PRSS38: variants seen among roughly 807,000 people sequenced by gnomAD.
PRSS38 encodes the protein serine protease 38.
Under a neutral mutation model 26.8 loss-of-function variants are expected in PRSS38, and 22 were observed. That is an observed-to-expected ratio of 0.82 (90% CI 0.59 to 1.17). The LOEUF is 1.17. Ranked by LOEUF, PRSS38 falls within the 50% of genes most tolerant of loss-of-function variation. The pLI, the probability that PRSS38 is intolerant of heterozygous loss-of-function variation, is 0.00. For missense variants in PRSS38, 427 were observed against 422.7 expected, an observed-to-expected ratio of 1.01 and a Z score of -0.09; for synonymous variants, 175 against 172.1, an observed-to-expected ratio of 1.02 and a Z score of -0.13.
At chr1:227,825,870 T>G (rs534713445) in intron 3 of PRSS38, among the ~76,000 whole-genome samples, 29 of 152,336 alleles carry the variant, frequency 1.9e-4, no homozygotes, top group Non-Finnish European at 3.8e-4. Context: ...AGGCTTTTTT[T>G]TGTGTGCCAT....
intron 3 of PRSS38, among the ~76,000 whole-genome samples, chr1:227,820,766 A>G (rs1664992187): frequency 6.6e-6 from 1 of 151,970 alleles, no homozygotes; most frequent in Non-Finnish European, 1.5e-5. Flanking sequence ...TTCCTCTTCT[A>G]TTTTTTTGGT....
intron 3 of PRSS38, among the ~76,000 whole-genome samples, chr1:227,843,711 A>G (rs1665372652): frequency 6.6e-6 from 1 of 150,656 alleles, no homozygotes; most frequent in African/African-American, 2.4e-5. Context: ...CCATCTTAAA[A>G]AAAAAATGTC....
intron 3 of PRSS38, among the ~76,000 whole-genome samples, chr1:227,845,115 TGTGGTGGGGCTCCTCCCTATGC>T (rs1311414246): frequency 6.9e-6 from 1 of 144,124 alleles, no homozygotes. Context: ...CCTCCCTATG[TGTGGTGGGGCTCCTCCCTATGC>T]GTGGTGGGGC....
At chr1:227,822,138 A>G (rs890989165) in intron 3 of PRSS38, among the ~76,000 whole-genome samples, 1 of 151,830 alleles carries the variant, frequency 6.6e-6, no homozygotes, top group African/African-American at 2.4e-5. Flanking sequence ...TGAAGTTTTC[A>G]TTTCCATTAT....
At chr1:227,842,777 A>G (rs1572091616) in intron 3 of PRSS38, among the ~76,000 whole-genome samples, 1 of 151,912 alleles carries the variant, frequency 6.6e-6, no homozygotes, top group Admixed American at 6.6e-5. Context: ...GGGTTTCTCC[A>G]TGTTGGTCAG....
At chr1:227,824,138 T>C (rs1292210620) in intron 3 of PRSS38, among the ~76,000 whole-genome samples, 3 of 152,170 alleles carry the variant, frequency 2.0e-5, no homozygotes, top group African/African-American at 7.2e-5. Context: ...ACATGTGCCA[T>C]GGTGGTTTGC....
chr1:227,839,563 A>G (rs535092619), intron 3 of PRSS38, among the ~76,000 whole-genome samples: 1 of 151,998 alleles, frequency 6.6e-6, no homozygotes, highest in Non-Finnish European at 1.5e-5. Flanking sequence ...AAGGTCTTTT[A>G]TATGTATTGC....
intron 3 of PRSS38, among the ~76,000 whole-genome samples, chr1:227,833,099 A>G (rs1220663733): frequency 6.6e-6 from 1 of 152,204 alleles, no homozygotes; most frequent in Non-Finnish European, 1.5e-5. Context: ...TGTTACGATG[A>G]CAATATTACC....
In PRSS38 at chr1:227,815,865, G is replaced by A. The variant is rs1295626251; in HGVS notation, c.148+1G>A. ...GGAATCTCCCTAACTGGCAGCGTGG[G>A]TAGGCCCTGCCCCAGGGGCGGATGG... is the stretch of plus-strand genomic sequence containing the variant. On this transcript the variant is annotated splice_donor_variant, in intron 1 of 4. Coordinates refer to ENST00000366757, the Ensembl canonical transcript of PRSS38. LOFTEE classifies it high-confidence loss of function. 1.2e-6 allele frequency: 2 copies of A among 1,601,654 alleles called. No individual in the cohort carries two copies. Among genetic ancestry groups the A allele is most frequent in the Middle Eastern group, 1.7e-4 (1 of 6,010 alleles).
chr1:227,822,371 G>GT lies in PRSS38; in HGVS notation c.583+4898dup, dbSNP rs201113206. 7.0e-3 allele frequency among the ~76,000 whole-genome samples: 1,066 copies of GT among 151,950 alleles called. 9 individuals carry two copies. The highest frequency in any genetic ancestry group is 0.024 in the African/African-American group (984 of 41,460). ...ATTTTGTTTTCTTAAGTGGGCCATA[G>GT]TTTTTTTCTGATTTTTGTTGTTATT... On this transcript the variant is annotated intron_variant, in intron 3 of 4. Coordinates refer to ENST00000366757, the Ensembl canonical transcript of PRSS38.
chr1:227,828,114 T>G (rs905289883), intron 3 of PRSS38, among the ~76,000 whole-genome samples: 1 of 152,208 alleles, frequency 6.6e-6, no homozygotes, highest in African/African-American at 2.4e-5. Flanking sequence ...TTTTGCTATA[T>G]GATCAATTCT....
chr1:227,817,324 A>G, exon 3 of PRSS38: 1 of 1,614,166 alleles, frequency 6.2e-7, no homozygotes, highest in Non-Finnish European at 8.5e-7. Flanking sequence ...CACATATGAG[A>G]TGTACCACCC....
At chr1:227,827,440 T>C (rs769449956) in intron 3 of PRSS38, among the ~76,000 whole-genome samples, 7 of 152,220 alleles carry the variant, frequency 4.6e-5, no homozygotes, top group Admixed American at 4.6e-4. Context: ...ATTTATTTTC[T>C]AGTTTCTTTT....
chr1:227,822,080 A>C (rs1453438595), intron 3 of PRSS38, among the ~76,000 whole-genome samples: 1 of 151,934 alleles, frequency 6.6e-6, no homozygotes, highest in Non-Finnish European at 1.5e-5. Flanking sequence ...CTTCAAGTTC[A>C]CCTATGCTCT....
intron 3 of PRSS38, among the ~76,000 whole-genome samples, chr1:227,839,419 A>G (rs1210411070): frequency 3.3e-5 from 5 of 151,918 alleles, no homozygotes; most frequent in Non-Finnish European, 7.4e-5. Flanking sequence ...GCAGTGAGCC[A>G]TAATCACACC....
At chr1:227,818,675 C>CAAAAAAA (rs71180764) in intron 3 of PRSS38, among the ~76,000 whole-genome samples, 3 of 61,060 alleles carry the variant, frequency 4.9e-5, no homozygotes, top group African/African-American at 1.4e-4. Context: ...GACCTTCTCT[C>CAAAAAAA]AAAAAAAAAA....
intron 3 of PRSS38, among the ~76,000 whole-genome samples, chr1:227,837,196 A>C (rs1270779774): frequency 6.6e-6 from 1 of 151,994 alleles, no homozygotes; most frequent in Non-Finnish European, 1.5e-5. Flanking sequence ...TACCATCACC[A>C]CCCTCCAAGA....
chr1:227,833,045 A>G (rs780114197), intron 3 of PRSS38, among the ~76,000 whole-genome samples: 1 of 152,248 alleles, frequency 6.6e-6, no homozygotes, highest in East Asian at 1.9e-4. Context: ...AAACCTAAAT[A>G]AATGCAAAGA....
chr1:227,816,176 T>A lies in PRSS38; in HGVS notation c.235T>A (p.Tyr79Asn), dbSNP rs143414065. The A allele has an allele frequency of 1.3e-5, 21 of 1,613,434 alleles. No individual in the cohort carries two copies. The African/African-American group carries it at 2.3e-4, about 17-fold the overall frequency. The change falls in exon 2 of 5, where the codon TAC (tyrosine) becomes AAC (asparagine). Residue 79 changes from tyrosine to asparagine, a missense_variant. Physicochemically the swap from Tyr to Asn is moderately radical, Grantham distance 143. Coordinates refer to ENST00000366757, the Ensembl canonical transcript of PRSS38. The surrounding 1 kb of genome is among the most constrained non-coding windows in gnomAD (Gnocchi z 5.1). ...GTGGCCGTGGCAGGTCAGCGTGCAC[T>A]ACGCAGGCCTCCACGTCTGCGGCGG...
Sources: allele counts gnomAD v4.1 joint callset (sites outside exome capture counted in the v4.1 genomes callset), GRCh38; gene constraint gnomAD v4.1.1; non-coding constraint Gnocchi (gnomAD v3.1); transcripts MANE v1.5; gene names NCBI Gene and HGNC (gene_info 2026-07-23, HGNC 2026-07-21).